The following HTR4 variants were observed in gnomAD, a reference collection of about 807,000 sequenced individuals.
The protein encoded by HTR4 is 5-hydroxytryptamine (serotonin) receptor 4, G protein-coupled.
HTR4 carries 16 observed loss-of-function variants against 36.8 expected under a neutral mutation model. The observed-to-expected ratio is 0.43, with a 90% confidence interval of 0.29 to 0.66. HTR4 has a LOEUF of 0.66. Ranked by LOEUF, HTR4 falls within the 30% of genes least tolerant of loss-of-function variation. The pLI is 0.13. For synonymous variants in HTR4, 189 were observed against 185.1 expected (o/e 1.02, Z -0.17); for missense variants, 438 against 490.9 (o/e 0.89, Z 1.02).
intron 5 of HTR4, among the ~76,000 whole-genome samples, chr5:148,452,365 C>T (rs1196493989): frequency 6.6e-6 from 1 of 152,160 alleles, no homozygotes. Flanking sequence ...TTAACTGGTT[C>T]TCACAAAGCC....
In HTR4 at chr5:148,496,948, A is replaced by G. The variant is rs145074145; in HGVS notation, c.1076+12508T>C. ...TCCCGTGAATCAAACTTCAGAACCT[A>G]ATAAATTGAGTTCCAGAATCTGCAA... On this transcript the variant is annotated intron_variant, in intron 6 of 6. Coordinates refer to ENST00000377888, the MANE Select transcript of HTR4 (RefSeq NM_000870.7). Among the ~76,000 whole-genome samples the G allele has an allele frequency of 2.3e-3, 343 of 152,294 alleles. 10 individuals carry two copies. The East Asian group carries it at 0.036, about 16-fold the overall frequency.
At chr5:148,464,328 A>G (rs562954131) in intron 5 of HTR4, among the ~76,000 whole-genome samples, 1 of 152,308 alleles carries the variant, frequency 6.6e-6, no homozygotes, top group South Asian at 2.1e-4. Context: ...ATATTTGCAA[A>G]AGACATACCT....
intron 5 of HTR4, among the ~76,000 whole-genome samples, chr5:148,454,691 A>T (rs1264742120): frequency 1.3e-5 from 2 of 152,212 alleles, no homozygotes; most frequent in Non-Finnish European, 2.9e-5. Context: ...TTCCCTATCA[A>T]CAGACTCCTT....
intron 6 of HTR4, among the ~76,000 whole-genome samples, chr5:148,501,116 T>C (rs144485251): frequency 8.1e-4 from 123 of 152,238 alleles, no homozygotes; most frequent in African/African-American, 2.8e-3. Context: ...TAACAGCAAA[T>C]AATTAAATAA....
Position 148,528,699 on chromosome 5 carries a change from A to G in HTR4, c.354-5353T>C, listed in dbSNP as rs1758404776. 2.0e-5 allele frequency among the ~76,000 whole-genome samples: 3 copies of G among 152,102 alleles called. No individual in the cohort carries two copies. The South Asian group carries it at 6.2e-4, about 32-fold the overall frequency. On this transcript the variant is annotated intron_variant, in intron 4 of 6. Coordinates refer to ENST00000377888, the MANE Select transcript of HTR4 (RefSeq NM_000870.7). Reference sequence around the variant, plus strand: ...ATTGCAGTTGATTTTCAGTTCCTATATTTGGATTATAATGTCCCCGTTAAT... The same window carrying G: ...ATTGCAGTTGATTTTCAGTTCCTATGTTTGGATTATAATGTCCCCGTTAAT...
At chr5:148,494,677 G>C (rs535320920) in intron 6 of HTR4, among the ~76,000 whole-genome samples, 2 of 152,350 alleles carry the variant, frequency 1.3e-5, no homozygotes, top group East Asian at 3.9e-4. Context: ...TCCTTCCAGA[G>C]AGAAGGCACA....
chr5:148,582,370 G>T lies in HTR4; in HGVS notation c.27-32108C>A, dbSNP rs141530006. ...ACGTGGGTATATTGTGTGATGCTGA[G>T]GTTTGGGGTAGGATTGATCTCATTA... On this transcript the variant is annotated intron_variant, in intron 2 of 6. Coordinates refer to ENST00000377888, the MANE Select transcript of HTR4 (RefSeq NM_000870.7). 9.9e-5 allele frequency among the ~76,000 whole-genome samples: 15 copies of T among 152,084 alleles called. 1 individual carries two copies. In the East Asian group the frequency reaches 2.7e-3, roughly 27 times the overall value.
At chr5:148,454,077 G>A (rs748065979) in intron 5 of HTR4, among the ~76,000 whole-genome samples, 6 of 152,308 alleles carry the variant, frequency 3.9e-5, no homozygotes, top group Non-Finnish European at 5.9e-5. Flanking sequence ...AGAGGGCTGC[G>A]TTATGCAGAA....
At chr5:148,653,491 G>A (rs1309005896) in intron 1 of HTR4, among the ~76,000 whole-genome samples, 1 of 152,182 alleles carries the variant, frequency 6.6e-6, no homozygotes, top group East Asian at 1.9e-4. Flanking sequence ...ATGGTTGCGA[G>A]TACCGGCAGT....
At position 148,548,792 on chromosome 5, in the gene HTR4, C is replaced by A; in HGVS notation, c.229G>T (p.Gly77Cys). 1 of 1,614,024 alleles carries A rather than the reference C, an allele frequency of 6.2e-7. No homozygotes were observed. Among genetic ancestry groups the A allele is most frequent in the Non-Finnish European group, 8.5e-7 (1 of 1,179,986 alleles). ...LLVSVLVMPF[G>C]AIELVQDIWI... ...ATGTCTTGAACCAGCTCAATGGCAC[C>A]AAAGGGCATCACCAGCACCGAAACC... The change falls in exon 4 of 7, where the codon GGT becomes TGT. Residue 77 changes from glycine (G) to cysteine (C), a missense_variant. Transcript: ENST00000377888.
chr5:148,507,482 C>T (rs991862853), intron 6 of HTR4, among the ~76,000 whole-genome samples: 1 of 151,090 alleles, frequency 6.6e-6, no homozygotes, highest in Non-Finnish European at 1.5e-5. Flanking sequence ...ATGTAAGAAA[C>T]CTGCACGTTG....
At chr5:148,637,437 T>A (rs1309892032) in intron 1 of HTR4, among the ~76,000 whole-genome samples, 4 of 152,156 alleles carry the variant, frequency 2.6e-5, no homozygotes, top group Admixed American at 2.6e-4. Flanking sequence ...AAAATGGCCA[T>A]TTTGTTCCTA....
intron 2 of HTR4, among the ~76,000 whole-genome samples, chr5:148,576,120 A>AC (rs1460901079): frequency 3.1e-5 from 4 of 130,782 alleles, no homozygotes; most frequent in African/African-American, 1.1e-4. Flanking sequence ...CAAAAAAAAA[A>AC]AAAAAAAAAA....
chr5:148,609,835 G>C (rs1581540493), intron 2 of HTR4, among the ~76,000 whole-genome samples: 1 of 152,142 alleles, frequency 6.6e-6, no homozygotes, highest in Non-Finnish European at 1.5e-5. Flanking sequence ...CAAAGTACTG[G>C]GATTACAGGC....
At chr5:148,613,452 C>G (rs974505068) in intron 2 of HTR4, among the ~76,000 whole-genome samples, 35 of 152,048 alleles carry the variant, frequency 2.3e-4, no homozygotes, top group Non-Finnish European at 4.3e-4. Flanking sequence ...TCAATAGATG[C>G]AGGAAAGGCC....
At chr5:148,494,743 A>G (rs1756610665) in intron 6 of HTR4, among the ~76,000 whole-genome samples, 1 of 152,234 alleles carries the variant, frequency 6.6e-6, no homozygotes, top group Non-Finnish European at 1.5e-5. Context: ...AGAATTTTCT[A>G]CATTTATATC....
chr5:148,583,335 G>T (rs1433514186), intron 2 of HTR4, among the ~76,000 whole-genome samples: 2 of 151,906 alleles, frequency 1.3e-5, no homozygotes, highest in Non-Finnish European at 2.9e-5. Context: ...CCTAATGCTA[G>T]ATGATGAGTT....
At chr5:148,563,844 T>A (rs1003825467) in intron 2 of HTR4, among the ~76,000 whole-genome samples, 1 of 152,154 alleles carries the variant, frequency 6.6e-6, no homozygotes, top group Admixed American at 6.5e-5. Flanking sequence ...TACTTGAACA[T>A]CCTTAGACTT....
intron 2 of HTR4, among the ~76,000 whole-genome samples, chr5:148,603,453 T>C (rs932246035): frequency 5.9e-5 from 9 of 152,058 alleles, no homozygotes; most frequent in African/African-American, 1.7e-4. Context: ...TGCTAAAAGC[T>C]TTTTCATAAT....
Sources: allele counts gnomAD v4.1 joint callset (sites outside exome capture counted in the v4.1 genomes callset), GRCh38; gene constraint gnomAD v4.1.1; transcripts MANE v1.5; gene names NCBI Gene and HGNC (gene_info 2026-07-23, HGNC 2026-07-21).